The following NT5DC1 variants were observed in gnomAD, a reference collection of about 807,000 sequenced individuals.
The protein encoded by NT5DC1 is 5'-nucleotidase domain-containing protein 1.
NT5DC1 carries 42 observed loss-of-function variants against 59.4 expected under a neutral mutation model. The observed-to-expected ratio is 0.71, with a 90% confidence interval of 0.55 to 0.92. The LOEUF is 0.92. NT5DC1 is among the 40% of genes least tolerant of loss of function. The probability of loss-of-function intolerance (pLI) is 0.00; values close to 1 mark genes in which losing one functional copy is unlikely to be tolerated. For missense variants in NT5DC1, 501 were observed against 537.1 expected, an observed-to-expected ratio of 0.93 and a Z score of 0.66; for synonymous variants, 172 against 188.1, an observed-to-expected ratio of 0.91 and a Z score of 0.70.
intron 6 of NT5DC1, among the ~76,000 whole-genome samples, chr6:116,166,254 T>C (rs1236750910): frequency 6.6e-6 from 1 of 152,162 alleles, no homozygotes; most frequent in South Asian, 2.1e-4. Context: ...CCCTAAGCTT[T>C]CCATTCAGAT....
intron 6 of NT5DC1, among the ~76,000 whole-genome samples, chr6:116,138,827 A>G (rs1779690159): frequency 6.6e-6 from 1 of 152,106 alleles, no homozygotes; most frequent in Admixed American, 6.5e-5. Flanking sequence ...CTTGATTACA[A>G]CTATGATATT....
intron 6 of NT5DC1, among the ~76,000 whole-genome samples, chr6:116,122,456 A>C (rs1232158352): frequency 6.6e-6 from 1 of 152,174 alleles, no homozygotes; most frequent in Non-Finnish European, 1.5e-5. Context: ...TGGTTGATTT[A>C]CTTTTACCTC....
chr6:116,188,653 A>AT (rs934211312), intron 6 of NT5DC1, among the ~76,000 whole-genome samples: 44 of 152,030 alleles, frequency 2.9e-4, no homozygotes, highest in African/African-American at 9.6e-4. Flanking sequence ...GAGGATAGCA[A>AT]TTACCTTTCA....
chr6:116,152,003 T>C (rs972952458), intron 6 of NT5DC1, among the ~76,000 whole-genome samples: 1 of 152,200 alleles, frequency 6.6e-6, no homozygotes, highest in Non-Finnish European at 1.5e-5. Flanking sequence ...ATGACTAAGC[T>C]AATTGACTAA....
chr6:116,177,838 AAC>A (rs1248436200), intron 6 of NT5DC1, among the ~76,000 whole-genome samples: 3 of 152,200 alleles, frequency 2.0e-5, no homozygotes, highest in Admixed American at 6.5e-5. Flanking sequence ...AGCTTTAGGT[AAC>A]AGCTCTGAAA....
intron 6 of NT5DC1, among the ~76,000 whole-genome samples, chr6:116,170,706 A>T (rs765311804): frequency 5.9e-5 from 9 of 152,124 alleles, no homozygotes; most frequent in South Asian, 2.1e-4. Context: ...GTACCTCCCT[A>T]CCCCAAAATT....
At chr6:116,112,115 G>C (rs961543043) in intron 4 of NT5DC1, among the ~76,000 whole-genome samples, 1 of 152,196 alleles carries the variant, frequency 6.6e-6, no homozygotes, top group Non-Finnish European at 1.5e-5. Flanking sequence ...CCACTAGAGA[G>C]CGCCACCTCT....
intron 6 of NT5DC1, among the ~76,000 whole-genome samples, chr6:116,182,693 AT>A (rs1271124732): frequency 6.6e-6 from 1 of 151,822 alleles, no homozygotes; most frequent in East Asian, 1.9e-4. Flanking sequence ...TCTTTTTAGA[AT>A]TGTCTCTTCA....
intron 6 of NT5DC1, among the ~76,000 whole-genome samples, chr6:116,147,668 C>T (rs2114386275): frequency 6.6e-6 from 1 of 152,172 alleles, no homozygotes; most frequent in Non-Finnish European, 1.5e-5. Context: ...CAAATAGAAA[C>T]TGTTACAAGA....
At chr6:116,213,049 G>C (rs1164630515) in intron 6 of NT5DC1, among the ~76,000 whole-genome samples, 1 of 152,138 alleles carries the variant, frequency 6.6e-6, no homozygotes, top group African/African-American at 2.4e-5. Context: ...ATTGCATAGA[G>C]ATAATAATTA....
chr6:116,123,089 A>T (rs1779184112), intron 6 of NT5DC1, among the ~76,000 whole-genome samples: 1 of 152,244 alleles, frequency 6.6e-6, no homozygotes, highest in Non-Finnish European at 1.5e-5. Context: ...TGGATTTTTT[A>T]AAATGCCAAC....
intron 6 of NT5DC1, among the ~76,000 whole-genome samples, chr6:116,160,703 G>A (rs1027964042): frequency 6.6e-6 from 1 of 152,154 alleles, no homozygotes; most frequent in East Asian, 1.9e-4. Context: ...CTAGGCCAGT[G>A]TCCAGAAGAG....
chr6:116,216,587 A>T (rs544461181), intron 6 of NT5DC1, among the ~76,000 whole-genome samples: 2 of 151,980 alleles, frequency 1.3e-5, no homozygotes, highest in African/African-American at 4.8e-5. Flanking sequence ...CTTTCCAAGT[A>T]TTATGTTTAG....
chr6:116,215,351 C>G (rs1052184580), intron 6 of NT5DC1, among the ~76,000 whole-genome samples: 3 of 152,082 alleles, frequency 2.0e-5, no homozygotes, highest in Non-Finnish European at 2.9e-5. Flanking sequence ...TACTGTGGAG[C>G]CTAAGCTGAC....
At chr6:116,234,416 C>T (rs1372366843) in intron 8 of NT5DC1, among the ~76,000 whole-genome samples, 1 of 152,054 alleles carries the variant, frequency 6.6e-6, no homozygotes, top group Non-Finnish European at 1.5e-5. Flanking sequence ...TCTCGGCTCA[C>T]TGAAACCTCT....
At chr6:116,145,145 T>G (rs1779864760) in intron 6 of NT5DC1, among the ~76,000 whole-genome samples, 1 of 152,180 alleles carries the variant, frequency 6.6e-6, no homozygotes, top group African/African-American at 2.4e-5. Flanking sequence ...GATTGAAAGC[T>G]TCTTTAAACT....
At chr6:116,203,970 C>T (rs1182236667) in intron 6 of NT5DC1, among the ~76,000 whole-genome samples, 1 of 151,862 alleles carries the variant, frequency 6.6e-6, no homozygotes, top group Admixed American at 6.6e-5. Context: ...TGCCCTGACA[C>T]ACACACGGTG....
intron 6 of NT5DC1, among the ~76,000 whole-genome samples, chr6:116,215,318 A>G (rs1024019743): frequency 2.6e-5 from 4 of 152,168 alleles, no homozygotes; most frequent in African/African-American, 2.4e-5. Flanking sequence ...ATGGTCTCCA[A>G]ACTTTTTATT....
At chr6:116,207,582 TAAAA>T (rs1781483463) in intron 6 of NT5DC1, among the ~76,000 whole-genome samples, 1 of 151,884 alleles carries the variant, frequency 6.6e-6, no homozygotes, top group African/African-American at 2.4e-5. Context: ...ATGTTAATTC[TAAAA>T]AATACCCAAA....
Sources: gnomAD v4.1 joint callset for allele counts (sites outside exome capture counted in the v4.1 genomes callset) on GRCh38, gnomAD v4.1.1 for gene constraint, MANE v1.5 for transcripts, NCBI Gene and HGNC (gene_info 2026-07-23, HGNC 2026-07-21) for gene names.